The following PAH variants were observed in gnomAD, a reference collection of about 807,000 sequenced individuals.
The protein encoded by PAH is phenylalanine hydroxylase.
Under a neutral mutation model 62.0 loss-of-function variants are expected in PAH, and 64 were observed. The observed-to-expected ratio is 1.03, with a 90% CI of 0.84 to 1.27. PAH has a LOEUF of 1.27. Ranked by LOEUF, PAH falls within the 50% of genes most tolerant of loss-of-function variation. PAH has a pLI of 0.00. For synonymous variants in PAH, 195 were observed against 196.2 expected, an observed-to-expected ratio of 0.99 and a Z score of 0.05; for missense variants, 579 against 542.8, an observed-to-expected ratio of 1.07 and a Z score of -0.66.
chr12:102,955,668 T>C (rs1029711188), upstream of PAH, among the ~76,000 whole-genome samples: 1 of 152,210 alleles, frequency 6.6e-6, no homozygotes, highest in Non-Finnish European at 1.5e-5. Flanking sequence ...TGAGGCTTAC[T>C]CTGGCTGGGA....
chr12:102,894,718 A>G lies in PAH; in HGVS notation c.352+17T>C, dbSNP rs1156871043. On this transcript the variant is annotated intron_variant, in intron 3 of 12. Coordinates refer to ENST00000553106, the MANE Select transcript of PAH (RefSeq NM_000277.3). The stretch of plus-strand genomic sequence containing the variant: ...AGTGTGGAGTTACTTATGTTGCAAA[A>G]TTCCTCTAATTCTTACCTGTGTCTT... The G allele has an allele frequency of 6.2e-7, 1 of 1,610,120 alleles. No individual in the cohort carries two copies. The highest frequency in any genetic ancestry group is 2.2e-5 in the East Asian group (1 of 44,866).
At chr12:102,872,669 G>A (rs1396708174) in intron 4 of PAH, among the ~76,000 whole-genome samples, 8 of 152,190 alleles carry the variant, frequency 5.3e-5, no homozygotes, top group Admixed American at 5.2e-4. Flanking sequence ...CACCTTGAAA[G>A]GTTAAAAACA....
chr12:102,849,506 G>C (rs1415102330), intron 8 of PAH, among the ~76,000 whole-genome samples: 1 of 152,160 alleles, frequency 6.6e-6, no homozygotes, highest in Non-Finnish European at 1.5e-5. Context: ...CACCAGAGGA[G>C]TGCTTGTAGA....
upstream of PAH, chr12:102,953,453 A>G (rs1418398544): frequency 6.6e-6 from 1 of 152,200 alleles, no homozygotes; most frequent in Non-Finnish European, 1.5e-5. Context: ...GAGAACATAC[A>G]TAGGTCTTGA....
intron 3 of PAH, chr12:102,886,235 T>C (rs966323061): frequency 2.6e-5 from 4 of 152,184 alleles, no homozygotes; most frequent in Non-Finnish European, 5.9e-5. Flanking sequence ...ACAAAGCATC[T>C]GTTCTCTCTG....
At chr12:102,839,322 G>A in intron 12 of PAH, 104 bp from the exon 13 acceptor site, 2 of 1,103,108 alleles carry the variant, frequency 1.8e-6, no homozygotes, top group Non-Finnish European at 2.8e-6. Flanking sequence ...CTTCTTGGAT[G>A]AGCTGGGTGC....
At position 102,855,440 on chromosome 12, in the gene PAH, C is replaced by T. The variant is rs1875383104; in HGVS notation, c.510-108G>A. The T allele has an allele frequency of 2.7e-5, 21 of 779,642 alleles. No individual in the cohort carries two copies. The East Asian group carries it at 5.3e-4, about 20-fold the overall frequency. 48.3% of individuals were successfully genotyped at this position (779,642 alleles called of 1,614,324 possible). A position where few individuals can be genotyped will look rare whatever the true frequency, so the allele number is the denominator to read the frequency against. On this transcript the variant is annotated intron_variant, in intron 5 of 12. Transcript: ENST00000553106. ...GACCAGAACCTGTGAGCTGCCATCA[C>T]TTGCTACAGTGAATTTCATACATTA...
intron 3 of PAH, among the ~76,000 whole-genome samples, chr12:102,892,228 T>C (rs1288645206): frequency 6.6e-6 from 1 of 152,180 alleles, no homozygotes; most frequent in Non-Finnish European, 1.5e-5. Context: ...GAGCTACCTT[T>C]TAAAAAATGT....
chr12:102,874,654 G>GA (rs551424070), intron 4 of PAH, among the ~76,000 whole-genome samples: 1 of 152,100 alleles, frequency 6.6e-6, no homozygotes, highest in Non-Finnish European at 1.5e-5. Flanking sequence ...AAAGATTTTG[G>GA]AAAAAAAGAA....
At chr12:102,937,146 T>C (rs1879129064) in intron 1 of PAH, among the ~76,000 whole-genome samples, 2 of 152,224 alleles carry the variant, frequency 1.3e-5, no homozygotes, top group Non-Finnish European at 2.9e-5. Flanking sequence ...CCTGCAGAAC[T>C]GTGAGTCAAT....
intron 1 of PAH, chr12:102,916,688 A>C (rs1878395638): frequency 3.5e-6 from 1 of 282,362 alleles, no homozygotes; most frequent in African/African-American, 2.2e-5. Flanking sequence ...TACAAAAGAA[A>C]TCTAGAAGGA....
intron 1 of PAH, among the ~76,000 whole-genome samples, chr12:102,948,960 G>A (rs1879618518): frequency 6.6e-6 from 1 of 152,132 alleles, no homozygotes; most frequent in Non-Finnish European, 1.5e-5. Context: ...TAATGGAATA[G>A]AATCAAGTAG....
At chr12:102,944,159 T>C (rs1256576445) in intron 1 of PAH, among the ~76,000 whole-genome samples, 1 of 152,200 alleles carries the variant, frequency 6.6e-6, no homozygotes, top group Non-Finnish European at 1.5e-5. Flanking sequence ...CGTTGCACGT[T>C]TTTTGTTTCT....
At chr12:102,887,223 T>G (rs1877079207) in intron 3 of PAH, among the ~76,000 whole-genome samples, 1 of 145,846 alleles carries the variant, frequency 6.9e-6, no homozygotes, top group African/African-American at 2.5e-5. Context: ...AAGAGGATGG[T>G]GGAAGTAGGG....
At chr12:102,931,573 AT>A (rs1179170672) in intron 1 of PAH, among the ~76,000 whole-genome samples, 1 of 152,154 alleles carries the variant, frequency 6.6e-6, no homozygotes, top group Non-Finnish European at 1.5e-5. Context: ...AGGTCCATGA[AT>A]TGTTTCTTAT....
chr12:102,857,380 C>A (rs551334593), intron 5 of PAH, among the ~76,000 whole-genome samples: 1 of 152,170 alleles, frequency 6.6e-6, no homozygotes, highest in Non-Finnish European at 1.5e-5. Context: ...GAGAATGGAA[C>A]CAAGTTGGAA....
intron 2 of PAH, 29 bp from the exon 3 acceptor site, chr12:102,894,947 G>A: frequency 6.4e-7 from 1 of 1,568,896 alleles, no homozygotes; most frequent in Non-Finnish European, 8.8e-7. Context: ...AGGGTGAGGA[G>A]ACAGTCACTG....
At chr12:102,905,425 T>C (rs1286504159) in intron 2 of PAH, among the ~76,000 whole-genome samples, 1 of 152,186 alleles carries the variant, frequency 6.6e-6, no homozygotes. Context: ...CTCAATATTT[T>C]GTTTCAACAT....
In PAH at chr12:102,844,470, G is replaced by A. The variant is rs375888620; in HGVS notation, c.970-39C>T. 248 of 1,346,822 alleles carry A rather than the reference G, an allele frequency of 1.8e-4. 1 individual carries two copies. Among genetic ancestry groups the A allele is most frequent in the Non-Finnish European group, 2.5e-4 (230 of 938,204 alleles). The allele number at this position is 1,346,822 out of a possible 1,614,324, so 83.4% of individuals were successfully genotyped here. On this transcript the variant is annotated intron_variant, in intron 9 of 12. Transcript: ENST00000553106. ...TCAATCTGAGAGCACACTCTATGAT[G>A]GTTAATTTTATGTGTCACCTTGACT...
Sources: gnomAD v4.1 joint callset for allele counts (sites outside exome capture counted in the v4.1 genomes callset) on GRCh38, gnomAD v4.1.1 for gene constraint, MANE v1.5 for transcripts, NCBI Gene and HGNC (gene_info 2026-07-23, HGNC 2026-07-21) for gene names.